Variants in MAP3K11 observed in about 807,000 individuals in gnomAD.
MAP3K11 encodes mitogen-activated protein kinase kinase kinase 11.
MAP3K11 carries 46 observed loss-of-function variants against 84.9 expected under a neutral mutation model. The ratio of observed to expected loss-of-function variants is 0.54; its 90% confidence interval spans 0.43 to 0.69. The LOEUF (loss-of-function observed/expected upper bound fraction) is 0.69. MAP3K11 is among the 30% of genes least tolerant of loss of function. The pLI, the probability that MAP3K11 is intolerant of heterozygous loss-of-function variation, is 0.00. For synonymous variants in MAP3K11, 527 were observed against 514.7 expected (o/e 1.02, Z -0.32); for missense variants, 1,053 against 1,198.3 (o/e 0.88, Z 1.79).
At chr11:65,606,363 A>G (rs1257849958) in intron 6 of MAP3K11, 1 of 439,124 alleles carries the variant, frequency 2.3e-6, no homozygotes, top group Non-Finnish European at 4.0e-6. Flanking sequence ...TAACTGTGTA[A>G]CAAGTTACTT....
chr11:65,613,974 C>A lies in MAP3K11; in HGVS notation c.-218G>T. On this transcript the variant is annotated 5_prime_UTR_variant, in exon 1 of 10. Coordinates refer to ENST00000309100, the MANE Select transcript of MAP3K11 (RefSeq NM_002419.4). ...GGCACCCAGGGCAGTGTGGTCAGGC[C>A]GGGGGGGTGGGGCCCCGGGGCCTCC... 1.7e-6 allele frequency: 1 copy of A among 599,606 alleles called. No homozygotes were observed. Among genetic ancestry groups the A allele is most frequent in the Non-Finnish European group, 2.8e-6 (1 of 360,816 alleles). The allele number at this position is 599,606 out of a possible 1,614,324, so 37.1% of individuals were successfully genotyped here. A position where few individuals can be genotyped will look rare whatever the true frequency, so the allele number is the denominator to read the frequency against.
At chr11:65,599,037 T>G (rs1442158800) in intron 9 of MAP3K11, among the ~76,000 whole-genome samples, 1 of 152,194 alleles carries the variant, frequency 6.6e-6, no homozygotes, top group Non-Finnish European at 1.5e-5. Context: ...ATTACATGTA[T>G]GCTGTGTCGC....
In MAP3K11 at chr11:65,613,740, C is replaced by G; in HGVS notation, c.17G>C (p.Ser6Thr). 6.4e-7 allele frequency: 1 copy of G among 1,567,018 alleles called. No individual in the cohort carries two copies. Among genetic ancestry groups the G allele is most frequent in the Non-Finnish European group, 8.6e-7 (1 of 1,157,094 alleles). Residue 6 changes from serine (S) to threonine (T), a missense_variant, in exon 1 of 10, where the codon AGC becomes ACC. By Grantham distance (58) the Ser-to-Thr change is moderately conservative. Coordinates refer to ENST00000309100, the MANE Select transcript of MAP3K11 (RefSeq NM_002419.4). ...CCCTAGAGGGCTCTTGAGGAAGAGG[C>G]TCTTCAAGGGCTCCATGGCCGGGAG... MEPLKSLFLKSPLGSW... is the reference protein window; with the variant it reads MEPLKTLFLKSPLGSW...
intron 5 of MAP3K11, 43 bp from the exon 6 acceptor site, chr11:65,606,847 A>C: frequency 7.4e-7 from 1 of 1,353,028 alleles, no homozygotes; most frequent in African/African-American, 1.5e-5. Flanking sequence ...GTTTGTGATG[A>C]AGTAGAGCCA....
In MAP3K11 at chr11:65,613,496, C is replaced by T. The variant is rs762174188; in HGVS notation, c.261G>A (p.Gln87=). The change falls in exon 1 of 10, where the codon CAG becomes CAA. Residue 87 remains glutamine, a synonymous_variant. Transcript: ENST00000309100. ...GGAAGATGCCCACCTGGCCACCCAC[C>T]TGGCCCGCCCACCAGCCCTCGTCTC... is the stretch of plus-strand genomic sequence containing the variant. The part of the protein sequence containing the change: ...ISGDEGWWAG[Q]VGGQVGIFPS... 4 of 1,611,330 alleles carry T rather than the reference C, an allele frequency of 2.5e-6. 1 individual carries two copies. In the South Asian group the frequency reaches 4.4e-5, roughly 18 times the overall value.
intron 1 of MAP3K11, chr11:65,608,954 A>C (rs1854543342): frequency 6.4e-6 from 1 of 156,108 alleles, no homozygotes; most frequent in Non-Finnish European, 1.4e-5. Flanking sequence ...AAAACCATTT[A>C]TGAGCTAAAT....
chr11:65,606,916 T>C, intron 5 of MAP3K11, 112 bp from the exon 6 acceptor site: 1 of 686,790 alleles, frequency 1.5e-6, no homozygotes, highest in East Asian at 3.0e-5. Context: ...AGCGGCACGA[T>C]GGCTGTGAGA....
Position 65,613,227 on chromosome 11 carries a change from A to G in MAP3K11, c.530T>C (p.Ile177Thr). The G allele has an allele frequency of 3.1e-6, 5 of 1,598,604 alleles. No homozygotes were observed. Among genetic ancestry groups the G allele is most frequent in the Non-Finnish European group, 4.3e-6 (5 of 1,170,412 alleles). Residue 177 changes from isoleucine to threonine, a missense_variant, in exon 1 of 10, where the codon ATT (isoleucine) becomes ACT (threonine). Around this residue, in one of 3 missense-constraint regions of MAP3K11, gnomAD observed 310 missense variants for 464.5 expected, o/e 0.67. Transcript: ENST00000309100. ...CTCCAGGCACACAGCCTTGAGGGCAATGATGTTGGGGTGTGCCAGCATGGC... is the reference window on the plus strand; with the variant it reads ...CTCCAGGCACACAGCCTTGAGGGCAGTGATGTTGGGGTGTGCCAGCATGGC... ...LFAMLAHPNI[I>T]ALKAVCLEEP...
At chr11:65,611,303 C>T in intron 1 of MAP3K11, 1 of 152,300 alleles carries the variant, frequency 6.6e-6, no homozygotes, top group Non-Finnish European at 1.5e-5. Flanking sequence ...CTGGAGAATT[C>T]CCCCTCCTCT....
At chr11:65,608,108 T>C (rs1565144929) in intron 2 of MAP3K11, 38 bp from the exon 3 acceptor site, 1 of 1,604,926 alleles carries the variant, frequency 6.2e-7, no homozygotes, top group African/African-American at 1.3e-5. Flanking sequence ...CCCTTTTCTC[T>C]CCCAACCCCC....
At position 65,613,398 on chromosome 11, in the gene MAP3K11, T is replaced by A; in HGVS notation, c.359A>T (p.Glu120Val). ...EVASFQELRL[E>V]EVIGIGGFGK... Reference sequence around the variant, plus strand: ...AAAGCCTCCAATGCCGATCACCTCCTCCAGCCGCAGCTCCTGGAAGCTGGC... The same window carrying A: ...AAAGCCTCCAATGCCGATCACCTCCACCAGCCGCAGCTCCTGGAAGCTGGC... The change falls in exon 1 of 10, where the codon GAG becomes GTG. Residue 120 changes from glutamate to valine, a missense_variant. Coordinates refer to ENST00000309100, the MANE Select transcript of MAP3K11 (RefSeq NM_002419.4). 12 of 1,611,668 alleles carry A rather than the reference T, an allele frequency of 7.4e-6. No individual in the cohort carries two copies. The highest frequency in any genetic ancestry group is 1.0e-5 in the Non-Finnish European group (12 of 1,179,606).
chr11:65,602,538 T>C (rs1854466924), intron 8 of MAP3K11, among the ~76,000 whole-genome samples: 2 of 151,262 alleles, frequency 1.3e-5, no homozygotes, highest in Non-Finnish European at 3.0e-5. Context: ...CCCTGCTACT[T>C]GGGAGGCTGA....
At chr11:65,610,448 C>T (rs1854559917) in intron 1 of MAP3K11, 1 of 152,284 alleles carries the variant, frequency 6.6e-6, no homozygotes, top group African/African-American at 2.4e-5. Context: ...TGTCCTAAAG[C>T]ACTTATCGTA....
At chr11:65,607,153 T>G (rs1394556575) in intron 5 of MAP3K11, 117 bp downstream of exon 5, 1 of 1,312,336 alleles carries the variant, frequency 7.6e-7, no homozygotes, top group Non-Finnish European at 9.8e-7. Flanking sequence ...CCAGCCTTCA[T>G]CTCACGGGCC....
In MAP3K11 at chr11:65,613,876, C is replaced by T; in HGVS notation, c.-120G>A. ...GGGCATCCGGGCCCTGGCCCTCAGCCCCAGACCCACGCCTCTCTGGGGAGC... is the reference window on the plus strand; with the variant it reads ...GGGCATCCGGGCCCTGGCCCTCAGCTCCAGACCCACGCCTCTCTGGGGAGC... On this transcript the variant is annotated 5_prime_UTR_variant, in exon 1 of 10. Coordinates refer to ENST00000309100, the MANE Select transcript of MAP3K11 (RefSeq NM_002419.4). 1 of 1,135,820 alleles carries T rather than the reference C, an allele frequency of 8.8e-7. No homozygotes were observed. The highest frequency in any genetic ancestry group is 1.2e-6 in the Non-Finnish European group (1 of 828,956). 70.4% of individuals were successfully genotyped at this position (1,135,820 alleles called of 1,614,324 possible).
At chr11:65,602,202 CAAAAA>C (rs34876918) in intron 8 of MAP3K11, among the ~76,000 whole-genome samples, 4 of 90,300 alleles carry the variant, frequency 4.4e-5, no homozygotes, top group Admixed American at 1.1e-4. Flanking sequence ...GACTCCATCT[CAAAAA>C]AAAAAAAAAA....
At chr11:65,609,570 G>A (rs1244602271) in intron 1 of MAP3K11, 1 of 152,236 alleles carries the variant, frequency 6.6e-6, no homozygotes, top group Admixed American at 6.5e-5. Context: ...AGTTTTCGAG[G>A]AATAGAAAGA....
rs745473329 is a variant in MAP3K11 at position 65,606,090 on chromosome 11, G to A, written c.1604-9C>T. The A allele has an allele frequency of 9.7e-5, 151 of 1,562,486 alleles. No individual in the cohort carries two copies. Among genetic ancestry groups the A allele is most frequent in the Non-Finnish European group, 1.0e-4 (116 of 1,160,304 alleles). On this transcript the variant is annotated splice_polypyrimidine_tract_variant and intron_variant, in intron 6 of 9. Coordinates refer to ENST00000309100, the MANE Select transcript of MAP3K11 (RefSeq NM_002419.4). ...TGGCTCTGCAGGCTCCACTGCAGGG[G>A]AAACCGATGAAATCGGAGATAATCT...
In MAP3K11 at chr11:65,613,633, C is replaced by A. The variant is rs139047246; in HGVS notation, c.124G>T (p.Ala42Ser). Residue 42 changes from alanine (A) to serine (S), a missense_variant, in exon 1 of 10, where the codon GCC (alanine) becomes TCC (serine). Ala to Ser is a moderately conservative substitution (Grantham distance 99, BLOSUM62 1). Coordinates refer to ENST00000309100, the MANE Select transcript of MAP3K11 (RefSeq NM_002419.4). ...AACAGGGCTGTCCACACCGGGTTGG[C>A]ATAACCCGCTGCCTTTGGAGACCCC... ...PEGSPKAAGY[A>S]NPVWTALFDY... The A allele has an allele frequency of 2.5e-6, 4 of 1,612,968 alleles. No homozygotes were observed. Among genetic ancestry groups the A allele is most frequent in the Non-Finnish European group, 3.4e-6 (4 of 1,180,002 alleles).
Sources: allele counts gnomAD v4.1 joint callset (sites outside exome capture counted in the v4.1 genomes callset), GRCh38; gene constraint gnomAD v4.1.1; regional missense constraint gnomAD v4.1.1; transcripts MANE v1.5; gene names NCBI Gene and HGNC (gene_info 2026-07-23, HGNC 2026-07-21).